The following UNC5C variants were observed in gnomAD, a reference collection of about 807,000 sequenced individuals.
The protein encoded by UNC5C is netrin receptor UNC5C.
Under a neutral mutation model 99.8 loss-of-function variants are expected in UNC5C, and 47 were observed. The observed-to-expected ratio is 0.47, with a 90% CI of 0.37 to 0.60. The LOEUF is 0.60. Ranked by LOEUF, UNC5C falls within the 20% of genes least tolerant of loss-of-function variation. The probability of loss-of-function intolerance (pLI) is 0.00; values close to 1 mark genes in which losing one functional copy is unlikely to be tolerated. For synonymous variants in UNC5C, 487 were observed against 452.2 expected, an observed-to-expected ratio of 1.08 and a Z score of -0.98; for missense variants, 1,062 against 1,165.9, an observed-to-expected ratio of 0.91 and a Z score of 1.30.
At chr4:95,437,528 C>T (rs985439230) in intron 1 of UNC5C, among the ~76,000 whole-genome samples, 19 of 151,876 alleles carry the variant, frequency 1.3e-4, no homozygotes, top group African/African-American at 4.1e-4. Context: ...GCTGAATAAC[C>T]TTTAGGAAAT....
chr4:95,485,886 C>G (rs1301734118), intron 1 of UNC5C, among the ~76,000 whole-genome samples: 1 of 151,614 alleles, frequency 6.6e-6, no homozygotes, highest in Non-Finnish European at 1.5e-5. Flanking sequence ...ACAGGTCCAA[C>G]CACGCATTTA....
At chr4:95,403,090 C>T (rs927006686) in intron 1 of UNC5C, among the ~76,000 whole-genome samples, 2 of 151,904 alleles carry the variant, frequency 1.3e-5, no homozygotes, top group African/African-American at 4.8e-5. Flanking sequence ...AAATTAGACA[C>T]GTGGGCCAGT....
In UNC5C at chr4:95,167,177, G is replaced by A. The variant is rs1204904338; in HGVS notation, c.*2057C>T. 1 of 152,174 alleles carries A rather than the reference G, an allele frequency of 6.6e-6. No homozygotes were observed. The highest frequency in any genetic ancestry group is 1.5e-5 in the Non-Finnish European group (1 of 68,036). The allele number at this position is 152,174 out of a possible 1,614,324, so 9.4% of individuals were successfully genotyped here. A position where few individuals can be genotyped will look rare whatever the true frequency, so the allele number is the denominator to read the frequency against. On this transcript the variant is annotated 3_prime_UTR_variant, in exon 16 of 16. Transcript: ENST00000453304. ...CACATGTATAATTCAAGTCTGTTCA[G>A]CAACTTGTGTGCCTCCAGCCTAAAA...
chr4:95,546,927 C>G (rs558813337), intron 1 of UNC5C, among the ~76,000 whole-genome samples: 35 of 152,076 alleles, frequency 2.3e-4, no homozygotes, highest in Non-Finnish European at 4.1e-4. Context: ...CACCGTGCCC[C>G]GTCCCCCTCT....
intron 12 of UNC5C, among the ~76,000 whole-genome samples, chr4:95,191,364 A>T: frequency 6.6e-6 from 1 of 152,226 alleles, no homozygotes; most frequent in Middle Eastern, 3.4e-3. Context: ...GATGCTTTGA[A>T]GTATATCTAT....
intron 12 of UNC5C, among the ~76,000 whole-genome samples, chr4:95,189,852 A>G (rs571376169): frequency 2.6e-5 from 4 of 152,346 alleles, no homozygotes; most frequent in African/African-American, 7.2e-5. Context: ...CAGGTGCTGG[A>G]GAGGATGTGG....
chr4:95,194,642 C>T (rs368533893), intron 12 of UNC5C, among the ~76,000 whole-genome samples: 3 of 152,250 alleles, frequency 2.0e-5, no homozygotes, highest in South Asian at 4.1e-4. Flanking sequence ...CCTTTCTGAC[C>T]ATAGCTGGAA....
intron 1 of UNC5C, among the ~76,000 whole-genome samples, chr4:95,520,900 AG>A (rs1722338209): frequency 6.6e-6 from 1 of 151,808 alleles, no homozygotes; most frequent in African/African-American, 2.4e-5. Flanking sequence ...CGCCCGGCCT[AG>A]TATATCCTCT....
intron 1 of UNC5C, among the ~76,000 whole-genome samples, chr4:95,477,248 A>G (rs1282232224): frequency 6.6e-6 from 1 of 152,026 alleles, no homozygotes; most frequent in Non-Finnish European, 1.5e-5. Flanking sequence ...TATCATATAT[A>G]TATATAGGCA....
At chr4:95,288,674 C>T (rs1741332234) in intron 3 of UNC5C, among the ~76,000 whole-genome samples, 1 of 152,204 alleles carries the variant, frequency 6.6e-6, no homozygotes, top group Non-Finnish European at 1.5e-5. Flanking sequence ...GAGACCATGA[C>T]TTGCCTCTCC....
intron 1 of UNC5C, among the ~76,000 whole-genome samples, chr4:95,463,424 G>A (rs558624401): frequency 6.6e-6 from 1 of 152,176 alleles, no homozygotes; most frequent in South Asian, 2.1e-4. Flanking sequence ...AACACTGAAC[G>A]AAGCACAAGC....
Position 95,169,018 on chromosome 4 carries a change from C to T in UNC5C, c.*216G>A. On this transcript the variant is annotated 3_prime_UTR_variant, in exon 16 of 16. Coordinates refer to ENST00000453304, the MANE Select transcript of UNC5C (RefSeq NM_003728.4). Reference sequence around the variant, plus strand: ...TAGGTTGATAGCTAAATTCAAGGTACAAATTTACACAATTTTTCTTAACTC... The same window carrying T: ...TAGGTTGATAGCTAAATTCAAGGTATAAATTTACACAATTTTTCTTAACTC... The T allele has an allele frequency of 1.8e-6, 1 of 559,848 alleles. No homozygotes were observed. The highest frequency in any genetic ancestry group is 2.8e-5 in the South Asian group (1 of 36,120). 34.7% of individuals were successfully genotyped at this position (559,848 alleles called of 1,614,324 possible). A position where few individuals can be genotyped will look rare whatever the true frequency, so the allele number is the denominator to read the frequency against.
chr4:95,395,702 G>A (rs1416464315), intron 1 of UNC5C, among the ~76,000 whole-genome samples: 1 of 152,188 alleles, frequency 6.6e-6, no homozygotes, highest in Non-Finnish European at 1.5e-5. Flanking sequence ...AGTTCCCTGA[G>A]TGCCCAGGGA....
intron 1 of UNC5C, among the ~76,000 whole-genome samples, chr4:95,518,471 A>C (rs1417836996): frequency 6.6e-6 from 1 of 152,196 alleles, no homozygotes; most frequent in Non-Finnish European, 1.5e-5. Context: ...ATATAGTCAA[A>C]ATATTTTTTA....
chr4:95,325,785 T>C (rs1016514657), intron 2 of UNC5C, among the ~76,000 whole-genome samples: 1 of 152,186 alleles, frequency 6.6e-6, no homozygotes, highest in African/African-American at 2.4e-5. Flanking sequence ...TAGCTTATGT[T>C]ATTATGTTAA....
chr4:95,367,459 G>A (rs138331733), intron 1 of UNC5C, among the ~76,000 whole-genome samples: 1,833 of 152,010 alleles, frequency 0.012, 13 homozygotes, highest in Middle Eastern at 0.027. Flanking sequence ...GATTACAGGC[G>A]TGAGCCACCG....
At chr4:95,466,425 A>T (rs1032447399) in intron 1 of UNC5C, among the ~76,000 whole-genome samples, 1 of 152,172 alleles carries the variant, frequency 6.6e-6, no homozygotes, top group African/African-American at 2.4e-5. Flanking sequence ...TAAGAGATAA[A>T]TTATGATGCT....
intron 1 of UNC5C, among the ~76,000 whole-genome samples, chr4:95,403,514 T>G (rs1039631994): frequency 2.6e-5 from 4 of 152,242 alleles, no homozygotes; most frequent in Non-Finnish European, 5.9e-5. Flanking sequence ...ACTTTCACTT[T>G]ATTTCTGCTA....
intron 1 of UNC5C, among the ~76,000 whole-genome samples, chr4:95,506,850 C>T (rs1268839856): frequency 2.0e-5 from 3 of 151,592 alleles, no homozygotes; most frequent in Non-Finnish European, 4.4e-5. Flanking sequence ...TCTTCTAATG[C>T]CTTCACTTTT....
Sources: gnomAD v4.1 joint callset for allele counts (sites outside exome capture counted in the v4.1 genomes callset) on GRCh38, gnomAD v4.1.1 for gene constraint, MANE v1.5 for transcripts, NCBI Gene and HGNC (gene_info 2026-07-23, HGNC 2026-07-21) for gene names.